Variants in CTSC observed in about 807,000 individuals in gnomAD.
The protein encoded by CTSC is cathepsin C.
In CTSC, 37 loss-of-function variants were observed where a neutral mutation model predicts 40.9. That is an observed-to-expected ratio of 0.91 (90% CI 0.70 to 1.19). The LOEUF (loss-of-function observed/expected upper bound fraction) is 1.19. Ranked by LOEUF, CTSC falls within the 50% of genes most tolerant of loss-of-function variation. The pLI is 0.00. For missense variants in CTSC, 594 were observed against 567.3 expected (o/e 1.05, Z -0.48); for synonymous variants, 232 against 207.4 (o/e 1.12, Z -1.02).
intron 5 of CTSC, chr11:88,298,449 A>C (rs933692661): frequency 1.3e-5 from 2 of 152,076 alleles, no homozygotes; most frequent in African/African-American, 4.8e-5. Context: ...TTTTTCTTTA[A>C]TTTCAATTTG....
chr11:88,316,580 T>C (rs545261587), intron 2 of CTSC, among the ~76,000 whole-genome samples: 1 of 150,822 alleles, frequency 6.6e-6, no homozygotes, highest in East Asian at 2.0e-4. Flanking sequence ...TTTTTCACGA[T>C]AGTCTATCAG....
intron 4 of CTSC, among the ~76,000 whole-genome samples, chr11:88,305,811 TG>T (rs1397159544): frequency 1.3e-5 from 2 of 152,126 alleles, no homozygotes; most frequent in African/African-American, 4.8e-5. Context: ...AAAACAAAAG[TG>T]GTTGGCTGGA....
At chr11:88,309,105 G>A (rs941614841) in intron 4 of CTSC, 58 bp downstream of exon 4, 1 of 1,490,514 alleles carries the variant, frequency 6.7e-7, no homozygotes, top group African/African-American at 1.4e-5. Context: ...CTGCTTAGGA[G>A]GGAGGATGGT....
Position 88,325,305 on chromosome 11 carries a change from A to G in CTSC, c.318+9632T>C, listed in dbSNP as rs189924106. 2.7e-4 allele frequency: 267 copies of G among 985,294 alleles called. 4 individuals carry two copies. The African/African-American group carries it at 4.1e-3, about 15-fold the overall frequency. The allele number at this position is 985,294 out of a possible 1,614,324, so 61.0% of individuals were successfully genotyped here. A position where few individuals can be genotyped will look rare whatever the true frequency, so the allele number is the denominator to read the frequency against. Reference sequence around the variant, plus strand: ...GTAAGTTTTGGTCTTCAATGAAAAAACCCTGGTTTAGGCAAGAAAGTCAGT... The same window carrying G: ...GTAAGTTTTGGTCTTCAATGAAAAAGCCCTGGTTTAGGCAAGAAAGTCAGT... On this transcript the variant is annotated intron_variant, in intron 2 of 6. Transcript: ENST00000227266.
chr11:88,332,073 G>A (rs1329513483), intron 2 of CTSC, among the ~76,000 whole-genome samples: 1 of 152,218 alleles, frequency 6.6e-6, no homozygotes, highest in Non-Finnish European at 1.5e-5. Context: ...AAGGAAGCAA[G>A]TTGTAGGGTT....
intron 2 of CTSC, among the ~76,000 whole-genome samples, chr11:88,315,605 T>G (rs1239214307): frequency 6.6e-6 from 1 of 151,562 alleles, no homozygotes; most frequent in African/African-American, 2.4e-5. Context: ...TCATACTTTA[T>G]AAATATTGTA....
rs910078881 is a variant in CTSC at position 88,324,290 on chromosome 11, C to A, written c.318+10647G>T. On this transcript the variant is annotated intron_variant, in intron 2 of 6. Coordinates refer to ENST00000227266, the MANE Select transcript of CTSC (RefSeq NM_001814.6). ...AAAGACTTAAATGTAAAACCCAAAA[C>A]AATAAAACACCCTAGAAGAAAATCT... The A allele has an allele frequency of 1.1e-5, 9 of 812,018 alleles. No homozygotes were observed. In the African/African-American group the frequency reaches 1.5e-4, roughly 13 times the overall value. 50.3% of individuals were successfully genotyped at this position (812,018 alleles called of 1,614,324 possible).
intron 2 of CTSC, chr11:88,328,067 G>T: frequency 8.0e-7 from 1 of 1,257,282 alleles, no homozygotes; most frequent in Non-Finnish European, 1.2e-6. Context: ...AAGTGAGGAA[G>T]CTTGCTTTTA....
intron 4 of CTSC, among the ~76,000 whole-genome samples, chr11:88,308,507 C>CTTATT (rs566298227): frequency 6.6e-6 from 1 of 150,644 alleles, no homozygotes; most frequent in Non-Finnish European, 1.5e-5. Context: ...CTTACCTTAT[C>CTTATT]TTATTTTATT....
At chr11:88,320,755 C>G in intron 2 of CTSC, 1 of 941,130 alleles carries the variant, frequency 1.1e-6, no homozygotes, top group Non-Finnish European at 1.3e-6. Context: ...ACCATAGCCT[C>G]TAAGGACACA....
intron 6 of CTSC, among the ~76,000 whole-genome samples, chr11:88,294,813 A>G (rs962281102): frequency 1.3e-5 from 2 of 152,222 alleles, no homozygotes; most frequent in Non-Finnish European, 2.9e-5. Flanking sequence ...ACTTCTCTGT[A>G]TCTCTGCTTA....
At chr11:88,316,475 CTAAATAAATAAA>C (rs4002985) in intron 2 of CTSC, among the ~76,000 whole-genome samples, 1 of 145,022 alleles carries the variant, frequency 6.9e-6, no homozygotes, top group Non-Finnish European at 1.5e-5. Flanking sequence ...GATCCATTCT[CTAAATAAATAAA>C]TAAATAAATA....
At chr11:88,312,302 T>C (rs1484280250) in intron 3 of CTSC, 86 bp downstream of exon 3, 25 of 1,313,676 alleles carry the variant, frequency 1.9e-5, no homozygotes, top group Admixed American at 3.4e-5. Flanking sequence ...TTTTGTATAA[T>C]CAAACTAAAA....
intron 2 of CTSC, chr11:88,321,732 G>A (rs1270275563): frequency 2.0e-5 from 3 of 152,130 alleles, no homozygotes; most frequent in Non-Finnish European, 4.4e-5. Context: ...GAATAGTGCT[G>A]TAATAAACAT....
At chr11:88,337,435 T>C (rs1938530975) in intron 1 of CTSC, 66 bp downstream of exon 1, 7 of 1,478,748 alleles carry the variant, frequency 4.7e-6, no homozygotes, top group Non-Finnish European at 5.5e-6. Flanking sequence ...GTAGTTGGCG[T>C]GGCGCTGCGT....
At chr11:88,310,755 TAACAAA>T (rs1315467042) in intron 3 of CTSC, among the ~76,000 whole-genome samples, 1 of 152,144 alleles carries the variant, frequency 6.6e-6, no homozygotes, top group East Asian at 1.9e-4. Context: ...ACTAACACAA[TAACAAA>T]AACAAGTTAT....
intron 2 of CTSC, chr11:88,328,066 A>C: frequency 8.1e-7 from 1 of 1,229,534 alleles, no homozygotes; most frequent in Non-Finnish European, 1.2e-6. Context: ...GAAGTGAGGA[A>C]GCTTGCTTTT....
chr11:88,305,949 C>A (rs1050794777), intron 4 of CTSC, among the ~76,000 whole-genome samples: 1 of 152,194 alleles, frequency 6.6e-6, no homozygotes, highest in African/African-American at 2.4e-5. Context: ...TGCTAACACT[C>A]CTCCTCTTGA....
intron 4 of CTSC, among the ~76,000 whole-genome samples, chr11:88,305,465 C>G (rs1937622503): frequency 6.6e-6 from 1 of 152,176 alleles, no homozygotes; most frequent in Admixed American, 6.5e-5. Flanking sequence ...GTACAAGATA[C>G]AGGATTGGCT....
Sources: gnomAD v4.1 joint callset for allele counts (sites outside exome capture counted in the v4.1 genomes callset) on GRCh38, gnomAD v4.1.1 for gene constraint, MANE v1.5 for transcripts, NCBI Gene and HGNC (gene_info 2026-07-23, HGNC 2026-07-21) for gene names.